MALRD1: variants seen among roughly 807,000 people sequenced by gnomAD.
The protein encoded by MALRD1 is MAM and LDL-receptor class A domain-containing protein 1.
Under a neutral mutation model 242.1 loss-of-function variants are expected in MALRD1, and 247 were observed. The ratio of observed to expected loss-of-function variants is 1.02; its 90% CI spans 0.92 to 1.13. The LOEUF (loss-of-function observed/expected upper bound fraction) is 1.13, where lower values mean the gene tolerates loss of function less well. MALRD1 is among the 50% of genes most tolerant of loss of function. The pLI, the probability that MALRD1 is intolerant of heterozygous loss-of-function variation, is 0.00. For synonymous variants in MALRD1, 995 were observed against 866.6 expected, an observed-to-expected ratio of 1.15 and a Z score of -2.60; for missense variants, 2,989 against 2,533.1, an observed-to-expected ratio of 1.18 and a Z score of -3.86.
At chr10:19,120,895 C>T (rs1189202435) in intron 5 of MALRD1, among the ~76,000 whole-genome samples, 1 of 152,134 alleles carries the variant, frequency 6.6e-6, no homozygotes, top group Admixed American at 6.5e-5. Context: ...AGGCATGCAA[C>T]ACCACACCTG....
rs1834322870 is a variant in MALRD1, at chr10:19,530,397, A to T, written c.5321-797A>T. ...TATATAAATATTATATATTTATATA[A>T]ATATTATATATTTATATAATAATAA... On this transcript the variant is annotated intron_variant, in intron 31 of 39. Coordinates refer to ENST00000454679, the MANE Select transcript of MALRD1 (RefSeq NM_001142308.3). Among the ~76,000 whole-genome samples, 2 of 40,968 alleles carry T rather than the reference A, an allele frequency of 4.9e-5. 1 individual carries two copies. The highest frequency in any genetic ancestry group is 9.7e-5 in the Non-Finnish European group (2 of 20,632). The allele number at this position is 40,968 out of a possible 152,430, so 26.9% of individuals were successfully genotyped here. A position where few individuals can be genotyped will look rare whatever the true frequency, so the allele number is the denominator to read the frequency against.
chr10:19,298,687 G>A (rs950549560), intron 21 of MALRD1, among the ~76,000 whole-genome samples: 2 of 150,502 alleles, frequency 1.3e-5, no homozygotes, highest in Admixed American at 1.3e-4. Flanking sequence ...GTGTCTTGGC[G>A]GAGAGGTACT....
At chr10:19,543,409 G>GTAAA (rs1835066266) in intron 32 of MALRD1, among the ~76,000 whole-genome samples, 1 of 142,066 alleles carries the variant, frequency 7.0e-6, no homozygotes, top group South Asian at 2.3e-4. Context: ...GACTACAGAT[G>GTAAA]TAAAAATCAT....
At chr10:19,413,116 C>A (rs1400354040) in intron 28 of MALRD1, among the ~76,000 whole-genome samples, 1 of 151,858 alleles carries the variant, frequency 6.6e-6, no homozygotes, top group Non-Finnish European at 1.5e-5. Context: ...ATGATGTAAC[C>A]CAGTTCTCTT....
intron 12 of MALRD1, among the ~76,000 whole-genome samples, chr10:19,165,265 A>ATATATATATATATATATATATATTTT: frequency 1.5e-5 from 2 of 130,286 alleles, no homozygotes; most frequent in African/African-American, 6.5e-5. Context: ...ATATATATAT[A>ATATATATATATATATATATATATTTT]TTTTGTTTTG....
At chr10:19,663,743 A>T (rs1392866533) in intron 36 of MALRD1, among the ~76,000 whole-genome samples, 1 of 152,074 alleles carries the variant, frequency 6.6e-6, no homozygotes, top group African/African-American at 2.4e-5. Flanking sequence ...AAACAGGTGA[A>T]CTGCTTTCAG....
intron 21 of MALRD1, among the ~76,000 whole-genome samples, chr10:19,315,152 T>C (rs1440788983): frequency 7.3e-6 from 1 of 136,320 alleles, no homozygotes. Context: ...ATATAATTTA[T>C]AGAAATATGT....
At chr10:19,389,720 G>T in intron 28 of MALRD1, 111 bp downstream of exon 28, 1 of 1,166,496 alleles carries the variant, frequency 8.6e-7, no homozygotes. Context: ...GCTTACTGCA[G>T]CCTCCAACTC....
intron 18 of MALRD1, among the ~76,000 whole-genome samples, chr10:19,213,643 G>T (rs555670132): frequency 6.6e-6 from 1 of 152,160 alleles, no homozygotes; most frequent in Non-Finnish European, 1.5e-5. Flanking sequence ...CTCTGGATCG[G>T]TTCTGACTGA....
At chr10:19,400,361 C>T (rs1846779866) in intron 28 of MALRD1, among the ~76,000 whole-genome samples, 1 of 152,120 alleles carries the variant, frequency 6.6e-6, no homozygotes, top group Admixed American at 6.6e-5. Flanking sequence ...AATTCAGTGG[C>T]GGTGTGTTCC....
At chr10:19,410,540 A>G (rs1407983955) in intron 28 of MALRD1, among the ~76,000 whole-genome samples, 1 of 152,206 alleles carries the variant, frequency 6.6e-6, no homozygotes, top group Non-Finnish European at 1.5e-5. Context: ...TCTCTCAGCT[A>G]AGTGTGAACA....
chr10:19,267,898 T>C (rs894114323), intron 19 of MALRD1, among the ~76,000 whole-genome samples: 2 of 152,092 alleles, frequency 1.3e-5, no homozygotes, highest in African/African-American at 4.8e-5. Flanking sequence ...TGTAAATTGA[T>C]TTAGCATATA....
At chr10:19,482,073 G>A (rs538795050) in intron 29 of MALRD1, among the ~76,000 whole-genome samples, 1 of 151,748 alleles carries the variant, frequency 6.6e-6, no homozygotes, top group Non-Finnish European at 1.5e-5. Flanking sequence ...ACTGTACTTT[G>A]TATGAGAAAG....
intron 18 of MALRD1, among the ~76,000 whole-genome samples, chr10:19,239,679 G>C (rs7073127): frequency 0.044 from 6,767 of 152,120 alleles, 192 homozygotes; most frequent in Middle Eastern, 0.079. Flanking sequence ...TTTTGTATAA[G>C]GTAAAAGATA....
chr10:19,676,126 A>G (rs1468104831), intron 36 of MALRD1, among the ~76,000 whole-genome samples: 1 of 152,202 alleles, frequency 6.6e-6, no homozygotes, highest in Non-Finnish European at 1.5e-5. Flanking sequence ...TTTGTGAGTC[A>G]AGGAGGAATT....
intron 32 of MALRD1, among the ~76,000 whole-genome samples, chr10:19,566,675 A>G (rs1287731360): frequency 1.3e-5 from 2 of 151,012 alleles, no homozygotes; most frequent in Admixed American, 6.6e-5. Flanking sequence ...AGATATATAG[A>G]TAGTATTTTA....
At chr10:19,116,414 C>T (rs1041308721) in intron 5 of MALRD1, among the ~76,000 whole-genome samples, 6 of 152,064 alleles carry the variant, frequency 3.9e-5, no homozygotes, top group Non-Finnish European at 8.8e-5. Context: ...AACTAAGGAC[C>T]TTTTTTATTT....
rs1400855847 is a variant in MALRD1 at position 19,330,944 on chromosome 10, T to C, written c.3688-425T>C. 3.3e-5 allele frequency among the ~76,000 whole-genome samples: 5 copies of C among 152,304 alleles called. No individual in the cohort carries two copies. The South Asian group carries it at 1.0e-3, about 32-fold the overall frequency. Reference sequence around the variant, plus strand: ...GAAGAGATCTGATGAATGACAAGAATTGAGCAAAATAAAGAATCTACTTGT... The same window carrying C: ...GAAGAGATCTGATGAATGACAAGAACTGAGCAAAATAAAGAATCTACTTGT... On this transcript the variant is annotated intron_variant, in intron 23 of 39. Transcript: ENST00000454679.
chr10:19,497,058 G>A (rs1837751520), intron 30 of MALRD1, among the ~76,000 whole-genome samples: 1 of 152,120 alleles, frequency 6.6e-6, no homozygotes, highest in Admixed American at 6.6e-5. Flanking sequence ...AGCGGGACAG[G>A]AGGTACAAGG....
Sources: gnomAD v4.1 joint callset for allele counts (sites outside exome capture counted in the v4.1 genomes callset) on GRCh38, gnomAD v4.1.1 for gene constraint, MANE v1.5 for transcripts, NCBI Gene and HGNC (gene_info 2026-07-23, HGNC 2026-07-21) for gene names.